Variants in DCDC2C observed in about 807,000 individuals in gnomAD.
The protein encoded by DCDC2C is doublecortin domain-containing protein 2C.
In DCDC2C, 44 loss-of-function variants were observed where a neutral mutation model predicts 45.0. That is an observed-to-expected ratio of 0.98 (90% CI 0.77 to 1.26). The LOEUF (loss-of-function observed/expected upper bound fraction) is 1.26. Ranked by LOEUF, DCDC2C falls within the 50% of genes most tolerant of loss-of-function variation. The probability of loss-of-function intolerance (pLI) is 0.00; values close to 1 mark genes in which losing one functional copy is unlikely to be tolerated. For synonymous variants in DCDC2C, 187 were observed against 178.8 expected (o/e 1.05, Z -0.37); for missense variants, 447 against 468.9 (o/e 0.95, Z 0.43).
chr2:3,736,008 G>T (rs1045344660), intron 3 of DCDC2C, among the ~76,000 whole-genome samples: 1 of 152,086 alleles, frequency 6.6e-6, no homozygotes, highest in African/African-American at 2.4e-5. Flanking sequence ...TATCTTATAG[G>T]GTTCTGCATC....
At chr2:3,814,572 G>A (rs35484647) in intron 10 of DCDC2C, among the ~76,000 whole-genome samples, 39,176 of 152,168 alleles carry the variant, frequency 0.26, 5,601 homozygotes, top group East Asian at 0.58. Flanking sequence ...ATGGAGAGAC[G>A]TTGTGATCAT....
At position 3,778,886 on chromosome 2, in the gene DCDC2C, T is replaced by G. The variant is rs11692711; in HGVS notation, c.1023+2T>G. ...ACCCCTGATTTTGAGGGCAACAAGG[T>G]GAGTTCATTTTATTTTGTGTTTAAT... On this transcript the variant is annotated splice_donor_variant, in intron 9 of 10. Coordinates refer to ENST00000399143, the MANE Select transcript of DCDC2C (RefSeq NM_001287444.2). LOFTEE classifies it high-confidence loss of function. 3.9e-6 allele frequency: 6 copies of G among 1,550,514 alleles called. No homozygotes were observed. The African/African-American group carries it at 6.9e-5, about 18-fold the overall frequency.
intron 10 of DCDC2C, among the ~76,000 whole-genome samples, chr2:3,834,813 G>A (rs1264530871): frequency 6.6e-6 from 1 of 152,192 alleles, no homozygotes; most frequent in Non-Finnish European, 1.5e-5. Flanking sequence ...AACATCAAAT[G>A]TCCATCAAGT....
intron 10 of DCDC2C, among the ~76,000 whole-genome samples, chr2:3,819,875 G>A (rs1034386668): frequency 6.6e-6 from 1 of 152,194 alleles, no homozygotes; most frequent in Admixed American, 6.5e-5. Context: ...GCCAGACTGG[G>A]TGTGAGAAGG....
Position 3,754,638 on chromosome 2 carries a change from A to C in DCDC2C, c.726+4A>C. 1 of 1,549,170 alleles carries C rather than the reference A, an allele frequency of 6.5e-7. No individual in the cohort carries two copies. The highest frequency in any genetic ancestry group is 8.7e-7 in the Non-Finnish European group (1 of 1,146,350). On this transcript the variant is annotated splice_donor_region_variant and intron_variant, in intron 6 of 10. Coordinates refer to ENST00000399143, the MANE Select transcript of DCDC2C (RefSeq NM_001287444.2). ...AAACTCACAGAGAAAGAAAAAAGTAAGTAACTTTTTAAAACAAGTAAGTAA... is the reference window on the plus strand; with the variant it reads ...AAACTCACAGAGAAAGAAAAAAGTACGTAACTTTTTAAAACAAGTAAGTAA...
intron 2 of DCDC2C, among the ~76,000 whole-genome samples, chr2:3,718,792 G>A (rs1335453248): frequency 6.6e-6 from 1 of 152,084 alleles, no homozygotes; most frequent in African/African-American, 2.4e-5. Context: ...ATGAAGCCAC[G>A]GACCTTTGCA....
intron 8 of DCDC2C, among the ~76,000 whole-genome samples, chr2:3,773,454 T>A (rs2148162086): frequency 6.6e-6 from 1 of 152,290 alleles, no homozygotes; most frequent in East Asian, 1.9e-4. Context: ...TGCTGCCCGA[T>A]AAGCTTTCAT....
At chr2:3,774,622 C>T (rs376635809) in intron 8 of DCDC2C, among the ~76,000 whole-genome samples, 4 of 152,190 alleles carry the variant, frequency 2.6e-5, no homozygotes, top group Non-Finnish European at 4.4e-5. Context: ...AAAGCTGCCG[C>T]GTGTCTATGC....
intron 10 of DCDC2C, among the ~76,000 whole-genome samples, chr2:3,839,244 C>A (rs1228500490): frequency 6.6e-6 from 1 of 152,056 alleles, no homozygotes; most frequent in Non-Finnish European, 1.5e-5. Context: ...GTAATAGTTA[C>A]CAAATACAGA....
At chr2:3,835,091 C>T (rs1672043331) in intron 10 of DCDC2C, among the ~76,000 whole-genome samples, 1 of 152,162 alleles carries the variant, frequency 6.6e-6, no homozygotes. Context: ...CACGAGTTTG[C>T]CTTCCCAGAG....
intron 5 of DCDC2C, among the ~76,000 whole-genome samples, chr2:3,753,689 T>C (rs926932869): frequency 6.6e-6 from 1 of 152,216 alleles, no homozygotes; most frequent in Non-Finnish European, 1.5e-5. Flanking sequence ...GGTTTTGTGG[T>C]ACCAGATGTG....
chr2:3,721,305 AGCACCTGCT>A (rs1173301378), intron 2 of DCDC2C, among the ~76,000 whole-genome samples: 3 of 151,948 alleles, frequency 2.0e-5, no homozygotes, highest in African/African-American at 7.3e-5. Context: ...GGAACCCTGC[AGCACCTGCT>A]GCAGGGTTGT....
rs1668698223 is a variant in DCDC2C at position 3,726,739 on chromosome 2, C to T, written c.340-264C>T. Among the ~76,000 whole-genome samples the T allele has an allele frequency of 2.0e-5, 3 of 152,304 alleles. 1 individual carries two copies. The South Asian group carries it at 6.2e-4, about 32-fold the overall frequency. On this transcript the variant is annotated intron_variant, in intron 2 of 10. Coordinates refer to ENST00000399143, the MANE Select transcript of DCDC2C (RefSeq NM_001287444.2). ...TGCCACCTTTGCCCGTCAGCCCAGC[C>T]CCCGCACCCTGCACTTCCCTCCATG...
chr2:3,706,941 C>T (rs1344493238), intron 1 of DCDC2C, among the ~76,000 whole-genome samples: 1 of 152,230 alleles, frequency 6.6e-6, no homozygotes, highest in African/African-American at 2.4e-5. Context: ...CACATCCACT[C>T]TGCGGTACGG....
At chr2:3,732,143 C>T (rs555720579) in intron 3 of DCDC2C, among the ~76,000 whole-genome samples, 2 of 152,122 alleles carry the variant, frequency 1.3e-5, no homozygotes, top group East Asian at 1.9e-4. Context: ...GGATGTGGTT[C>T]GGGGGACCGA....
chr2:3,730,541 G>A (rs1228893702), intron 3 of DCDC2C, among the ~76,000 whole-genome samples: 3 of 152,164 alleles, frequency 2.0e-5, no homozygotes, highest in Non-Finnish European at 2.9e-5. Context: ...ACCAGGGGAA[G>A]AAGAGAGCCC....
At chr2:3,785,889 C>G (rs1047741251) in intron 10 of DCDC2C, among the ~76,000 whole-genome samples, 1 of 152,148 alleles carries the variant, frequency 6.6e-6, no homozygotes, top group South Asian at 2.1e-4. Context: ...CTCTGCCTGG[C>G]CTTGGCTGCT....
chr2:3,837,571 T>C lies in DCDC2C; in HGVS notation c.1066-9583T>C, dbSNP rs558395218. 5.5e-4 allele frequency among the ~76,000 whole-genome samples: 84 copies of C among 151,902 alleles called. 1 individual carries two copies. Among genetic ancestry groups the C allele is most frequent in the African/African-American group, 2.0e-3 (81 of 41,402 alleles). ...TGAAGGCTGGGTTCTTTTTGAGGAG[T>C]TGTGGCTATTACAGCACGTCTGTTC... On this transcript the variant is annotated intron_variant, in intron 10 of 10. Coordinates refer to ENST00000399143, the MANE Select transcript of DCDC2C (RefSeq NM_001287444.2).
rs546185097 is a variant in DCDC2C at position 3,740,699 on chromosome 2, T to G, written c.417-1221T>G. Among the ~76,000 whole-genome samples the G allele has an allele frequency of 6.6e-5, 10 of 152,318 alleles. No individual in the cohort carries two copies. In the East Asian group the frequency reaches 1.9e-3, roughly 29 times the overall value. ...GAACATTTCTTTTTATGACTTCTTG[T>G]GGGCAGCGTCTTAAATATGGAAGAA... is the stretch of plus-strand genomic sequence containing the variant. On this transcript the variant is annotated intron_variant, in intron 3 of 10. Coordinates refer to ENST00000399143, the MANE Select transcript of DCDC2C (RefSeq NM_001287444.2).
Sources: gnomAD v4.1 joint callset for allele counts (sites outside exome capture counted in the v4.1 genomes callset) on GRCh38, gnomAD v4.1.1 for gene constraint, MANE v1.5 for transcripts, NCBI Gene and HGNC (gene_info 2026-07-23, HGNC 2026-07-21) for gene names.